Variants in PCDH15 observed in about 807,000 individuals in gnomAD.
PCDH15 encodes the protein protocadherin related 15, also known as protocadherin-15.
PCDH15 carries 129 observed loss-of-function variants against 178.5 expected under a neutral mutation model. The observed-to-expected ratio is 0.72, with a 90% CI of 0.63 to 0.84. PCDH15 has a LOEUF of 0.84. Among genes scored for constraint, PCDH15 ranks in the 40% least tolerant of loss-of-function variants. The pLI, the probability that PCDH15 is intolerant of heterozygous loss-of-function variation, is 0.00. For missense variants in PCDH15, 2,230 were observed against 2,099.9 expected (o/e 1.06, Z -1.21); for synonymous variants, 800 against 732.0 (o/e 1.09, Z -1.50).
chr10:54,703,428 G>A (rs186189229), intron 1 of PCDH15, among the ~76,000 whole-genome samples: 190 of 152,158 alleles, frequency 1.2e-3, no homozygotes, highest in Non-Finnish European at 2.5e-3. Flanking sequence ...AGGAAGAGAG[G>A]AAGTCAAACT....
intron 2 of PCDH15, among the ~76,000 whole-genome samples, chr10:54,612,235 T>G (rs1486302512): frequency 1.3e-5 from 2 of 151,830 alleles, no homozygotes; most frequent in African/African-American, 4.8e-5. Context: ...ACCACCTTTC[T>G]TGTGAGCACA....
intron 11 of PCDH15, among the ~76,000 whole-genome samples, chr10:54,188,679 G>C (rs1181163066): frequency 6.6e-6 from 1 of 151,656 alleles, no homozygotes; most frequent in African/African-American, 2.4e-5. Context: ...ACAAACATAT[G>C]AATATAAAAT....
intron 3 of PCDH15, among the ~76,000 whole-genome samples, chr10:54,511,847 G>T (rs1336483566): frequency 6.6e-6 from 1 of 151,950 alleles, no homozygotes; most frequent in Non-Finnish European, 1.5e-5. Flanking sequence ...TTGAAATTTT[G>T]GGTCAAATAA....
intron 2 of PCDH15, among the ~76,000 whole-genome samples, chr10:55,077,454 T>TCCTTCCTTCCTTTCTTCCTTCCTTC (rs1841933890): frequency 7.0e-6 from 1 of 143,046 alleles, no homozygotes; most frequent in African/African-American, 2.8e-5. Flanking sequence ...TTCCTTCCCT[T>TCCTTCCTTCCTTTCTTCCTTCCTTC]CCTTCCTTCC....
chr10:55,401,838 G>A (rs1453020171), intron 2 of PCDH15, among the ~76,000 whole-genome samples: 1 of 151,958 alleles, frequency 6.6e-6, no homozygotes, highest in African/African-American at 2.4e-5. Flanking sequence ...TAGGAATGAT[G>A]GAAATTAAGA....
intron 4 of PCDH15, among the ~76,000 whole-genome samples, chr10:54,375,672 A>G (rs1948283549): frequency 1.3e-5 from 2 of 151,188 alleles, no homozygotes; most frequent in Non-Finnish European, 1.5e-5. Context: ...AAGAAGGGTT[A>G]AAGTTAATTA....
chr10:55,516,673 C>A (rs888688365), intron 2 of PCDH15, among the ~76,000 whole-genome samples: 13 of 151,948 alleles, frequency 8.6e-5, no homozygotes, highest in African/African-American at 3.1e-4. Context: ...AATCAATTGG[C>A]GAGAAGAAGG....
chr10:54,098,817 A>G (rs1011399151), intron 15 of PCDH15, among the ~76,000 whole-genome samples: 1 of 152,182 alleles, frequency 6.6e-6, no homozygotes, highest in African/African-American at 2.4e-5. Context: ...GGCTTTGGTC[A>G]GTTTACAGCC....
At chr10:54,693,868 G>T (rs549265931) in intron 1 of PCDH15, among the ~76,000 whole-genome samples, 1 of 152,188 alleles carries the variant, frequency 6.6e-6, no homozygotes, top group African/African-American at 2.4e-5. Flanking sequence ...AAATGTCTAT[G>T]GTTATCAGAA....
At chr10:55,059,063 G>A (rs1183181329) in intron 2 of PCDH15, among the ~76,000 whole-genome samples, 1 of 152,150 alleles carries the variant, frequency 6.6e-6, no homozygotes, top group Admixed American at 6.6e-5. Context: ...GCTAATTACT[G>A]CTTTCTGTGA....
chr10:54,840,440 T>C (rs2133760438), intron 3 of PCDH15, among the ~76,000 whole-genome samples: 1 of 151,760 alleles, frequency 6.6e-6, no homozygotes, highest in South Asian at 2.1e-4. Context: ...AAGTTTCTAG[T>C]AGGCACACAA....
chr10:54,140,589 C>T (rs1055915699), intron 14 of PCDH15, among the ~76,000 whole-genome samples: 5 of 152,044 alleles, frequency 3.3e-5, no homozygotes, highest in African/African-American at 1.2e-4. Context: ...CTTCCTCAGC[C>T]TCAGTCCTCA....
Position 53,807,005 on chromosome 10 carries a change from G to T in PCDH15, c.4797C>A (p.Ile1599=), listed in dbSNP as rs1044811487. 1 of 1,613,584 alleles carries T rather than the reference G, an allele frequency of 6.2e-7. No individual in the cohort carries two copies. The highest frequency in any genetic ancestry group is 8.5e-7 in the Non-Finnish European group (1 of 1,179,788). Residue 1599 remains isoleucine (I), a synonymous_variant, in exon 38 of 38, where the codon ATC becomes ATA. Coordinates refer to ENST00000644397, the MANE Select transcript of PCDH15 (RefSeq NM_001384140.1). ...RLHHPSIHSN[I]NGNIYIAQNG... ...TCTGTGCAATATATATATTGCCGTT[G>T]ATATTACTGTGGATACTAGGATGGT...
chr10:55,517,586 T>C (rs1055193525), intron 2 of PCDH15, among the ~76,000 whole-genome samples: 4 of 152,222 alleles, frequency 2.6e-5, no homozygotes, highest in African/African-American at 7.2e-5. Context: ...ATAAAGAGAA[T>C]AGTGGTTTTT....
intron 2 of PCDH15, among the ~76,000 whole-genome samples, chr10:54,648,594 T>C (rs2094186002): frequency 1.3e-5 from 2 of 152,142 alleles, no homozygotes; most frequent in African/African-American, 4.8e-5. Flanking sequence ...ATTAAGTGTG[T>C]TATCTATAAA....
In PCDH15 at chr10:54,495,474, A is replaced by C. The variant is rs1258964767; in HGVS notation, c.157+32338T>G. On this transcript the variant is annotated intron_variant, in intron 3 of 37. Coordinates refer to ENST00000644397, the MANE Select transcript of PCDH15 (RefSeq NM_001384140.1). ...TTTACATAGAACTCGATCCATAATA[A>C]GTACTGAATAAACAATATTTGCTAC... is the stretch of plus-strand genomic sequence containing the variant. 2.6e-5 allele frequency among the ~76,000 whole-genome samples: 4 copies of C among 152,306 alleles called. No homozygotes were observed. The East Asian group carries it at 7.7e-4, about 29-fold the overall frequency.
intron 1 of PCDH15, among the ~76,000 whole-genome samples, chr10:55,234,511 C>G (rs1490481035): frequency 6.6e-6 from 1 of 151,738 alleles, no homozygotes; most frequent in African/African-American, 2.4e-5. Context: ...TCAAGTGATG[C>G]TCCCACCTCA....
At chr10:54,288,508 T>A (rs567417868) in intron 8 of PCDH15, among the ~76,000 whole-genome samples, 1 of 152,198 alleles carries the variant, frequency 6.6e-6, no homozygotes, top group South Asian at 2.1e-4. Flanking sequence ...TTCATCTCAC[T>A]GGTTGAATAG....
intron 2 of PCDH15, among the ~76,000 whole-genome samples, chr10:55,358,578 G>A (rs1416611537): frequency 6.6e-6 from 1 of 151,970 alleles, no homozygotes; most frequent in East Asian, 1.9e-4. Flanking sequence ...TAATATAATA[G>A]TTGCCACCTA....
Sources: allele counts gnomAD v4.1 joint callset (sites outside exome capture counted in the v4.1 genomes callset), GRCh38; gene constraint gnomAD v4.1.1; transcripts MANE v1.5; gene names NCBI Gene and HGNC (gene_info 2026-07-23, HGNC 2026-07-21).